Variants in GRID2 observed in about 807,000 individuals in gnomAD.
The protein encoded by GRID2 is glutamate ionotropic receptor delta type subunit 2.
A neutral mutation model predicts 114.8 loss-of-function variants in GRID2; 33 were observed. That is an observed-to-expected ratio of 0.29 (90% confidence interval 0.22 to 0.38). The LOEUF (loss-of-function observed/expected upper bound fraction) is 0.38, where lower values mean the gene tolerates loss of function less well. GRID2 is among the 10% of genes least tolerant of loss of function. The pLI is 1.00. For missense variants in GRID2, 1,184 were observed against 1,257.7 expected (o/e 0.94, Z 0.89); for synonymous variants, 505 against 449.9 (o/e 1.12, Z -1.55).
chr4:92,750,581 G>A (rs1284350461), intron 2 of GRID2, among the ~76,000 whole-genome samples: 1 of 152,174 alleles, frequency 6.6e-6, no homozygotes, highest in Non-Finnish European at 1.5e-5. Context: ...GACCCTGGCT[G>A]TTGAGGCGAC....
At chr4:93,109,794 A>G (rs1451229396) in intron 3 of GRID2, among the ~76,000 whole-genome samples, 1 of 152,164 alleles carries the variant, frequency 6.6e-6, no homozygotes, top group Non-Finnish European at 1.5e-5. Flanking sequence ...ATTGTGCCAG[A>G]TACTTATTTC....
At chr4:92,587,571 GTAAA>G (rs1728508754) in intron 1 of GRID2, among the ~76,000 whole-genome samples, 1 of 152,092 alleles carries the variant, frequency 6.6e-6, no homozygotes, top group African/African-American at 2.4e-5. Flanking sequence ...GAAGAAAAAA[GTAAA>G]TAAATAACTG....
chr4:93,550,298 A>AGAG (rs1733637491), intron 13 of GRID2, among the ~76,000 whole-genome samples: 1 of 152,130 alleles, frequency 6.6e-6, no homozygotes, highest in Non-Finnish European at 1.5e-5. Flanking sequence ...AATAAGAGAA[A>AGAG]GATACAAACA....
intron 1 of GRID2, among the ~76,000 whole-genome samples, chr4:93,793,919 T>C (rs1048918603): frequency 1.3e-5 from 2 of 152,128 alleles, no homozygotes; most frequent in Non-Finnish European, 2.9e-5. Flanking sequence ...AAGGGTGAAA[T>C]GCCAAGAATC....
chr4:92,774,501 T>C (rs1361493777), intron 2 of GRID2, among the ~76,000 whole-genome samples: 1 of 151,980 alleles, frequency 6.6e-6, no homozygotes, highest in Non-Finnish European at 1.5e-5. Context: ...AGAATGAAAT[T>C]ATCCCATACA....
Position 92,595,938 on chromosome 4 carries a change from G to T in GRID2, c.244+5652G>T, listed in dbSNP as rs555174952. Among the ~76,000 whole-genome samples, 5 of 152,128 alleles carry T rather than the reference G, an allele frequency of 3.3e-5. No individual in the cohort carries two copies. In the East Asian group the frequency reaches 9.7e-4, roughly 29 times the overall value. On this transcript the variant is annotated intron_variant, in intron 2 of 15. Coordinates refer to ENST00000282020, the MANE Select transcript of GRID2 (RefSeq NM_001510.4). ...CTGCATTATTTGACACTTCTTTCCA[G>T]GGATTATTCTCATTTATATTTCATT... is the stretch of plus-strand genomic sequence containing the variant.
At chr4:92,896,299 T>A (rs1182332197) in intron 2 of GRID2, among the ~76,000 whole-genome samples, 3 of 152,194 alleles carry the variant, frequency 2.0e-5, no homozygotes, top group African/African-American at 7.2e-5. Context: ...TTCTTGAGAA[T>A]TAAGACAGTA....
chr4:92,629,325 G>A (rs75746301), intron 2 of GRID2, among the ~76,000 whole-genome samples: 1 of 151,990 alleles, frequency 6.6e-6, no homozygotes, highest in African/African-American at 2.4e-5. Context: ...TTAATAAATA[G>A]TACCATGGTA....
chr4:92,892,279 G>T (rs1256915557), intron 2 of GRID2, among the ~76,000 whole-genome samples: 1 of 151,890 alleles, frequency 6.6e-6, no homozygotes, highest in Non-Finnish European at 1.5e-5. Context: ...GGCCTGGCTG[G>T]TCTTGGTTTA....
chr4:93,216,496 C>T (rs1744233761), intron 5 of GRID2, among the ~76,000 whole-genome samples: 1 of 152,114 alleles, frequency 6.6e-6, no homozygotes, highest in Non-Finnish European at 1.5e-5. Context: ...ATATGTAAGA[C>T]AATTGCTCCA....
intron 8 of GRID2, among the ~76,000 whole-genome samples, chr4:93,348,899 T>C (rs1760506794): frequency 1.3e-5 from 2 of 152,204 alleles, no homozygotes; most frequent in Admixed American, 6.6e-5. Flanking sequence ...CATAGAAAGC[T>C]GCACAGAATG....
In GRID2 at chr4:93,725,875, G is replaced by T. The variant is rs1171690554; in HGVS notation, c.2361-43335G>T. On this transcript the variant is annotated intron_variant, in intron 14 of 15. Coordinates refer to ENST00000282020, the MANE Select transcript of GRID2 (RefSeq NM_001510.4). Reference sequence around the variant, plus strand: ...TTTGTTTGAGTTCATTGTAGATTCTGGATATTAGCCCTTTGTCAGATGATT... The same window carrying T: ...TTTGTTTGAGTTCATTGTAGATTCTTGATATTAGCCCTTTGTCAGATGATT... 3.9e-5 allele frequency among the ~76,000 whole-genome samples: 6 copies of T among 152,148 alleles called. No individual in the cohort carries two copies. In the South Asian group the frequency reaches 8.3e-4, roughly 21 times the overall value.
chr4:93,557,263 G>T (rs1403890458), intron 13 of GRID2, among the ~76,000 whole-genome samples: 2 of 152,122 alleles, frequency 1.3e-5, no homozygotes, highest in Admixed American at 6.6e-5. Flanking sequence ...AATGTAAATG[G>T]GCTAAATGCC....
chr4:92,340,035 T>C (rs1022370889), intron 1 of GRID2, among the ~76,000 whole-genome samples: 2 of 152,146 alleles, frequency 1.3e-5, no homozygotes, highest in Admixed American at 1.3e-4. Flanking sequence ...TGTATATTTA[T>C]ACTCCACAAA....
At chr4:92,319,422 A>C in intron 1 of GRID2, among the ~76,000 whole-genome samples, 1 of 152,174 alleles carries the variant, frequency 6.6e-6, no homozygotes, top group East Asian at 1.9e-4. Flanking sequence ...ATCTGTACAA[A>C]TTGGAAGCAA....
intron 1 of GRID2, among the ~76,000 whole-genome samples, chr4:92,401,462 A>T (rs1157871051): frequency 1.3e-5 from 2 of 152,186 alleles, no homozygotes; most frequent in African/African-American, 4.8e-5. Context: ...ATGTGCAGTC[A>T]TACATCAGAG....
intron 14 of GRID2, among the ~76,000 whole-genome samples, chr4:93,733,026 A>C (rs1730625592): frequency 6.6e-6 from 1 of 152,176 alleles, no homozygotes; most frequent in Admixed American, 6.5e-5. Flanking sequence ...AGCATTAACA[A>C]CATATTTGTA....
intron 12 of GRID2, among the ~76,000 whole-genome samples, chr4:93,495,619 A>T (rs1350072401): frequency 6.6e-6 from 1 of 151,802 alleles, no homozygotes; most frequent in Non-Finnish European, 1.5e-5. Flanking sequence ...AGAGGAGGAC[A>T]TGTGGGAGAG....
intron 1 of GRID2, among the ~76,000 whole-genome samples, chr4:92,385,433 A>AATT (rs952159928): frequency 4.6e-5 from 7 of 151,814 alleles, no homozygotes; most frequent in Non-Finnish European, 7.4e-5. Context: ...TTATTAAAAA[A>AATT]ATTATTAAAA....
Sources: allele counts gnomAD v4.1 joint callset (sites outside exome capture counted in the v4.1 genomes callset), GRCh38; gene constraint gnomAD v4.1.1; transcripts MANE v1.5; gene names NCBI Gene and HGNC (gene_info 2026-07-23, HGNC 2026-07-21).